Variants in CCDC172 observed in about 807,000 individuals in gnomAD.
CCDC172 encodes the protein coiled-coil domain containing 172, also known as coiled-coil domain-containing protein 172.
CCDC172 carries 30 observed loss-of-function variants against 38.0 expected under a neutral mutation model. The observed-to-expected ratio is 0.79, with a 90% CI of 0.59 to 1.07. The LOEUF (loss-of-function observed/expected upper bound fraction) is 1.07. Among genes scored for constraint, CCDC172 ranks in the 50% least tolerant of loss-of-function variants. The probability of loss-of-function intolerance (pLI) is 0.00; values close to 1 mark genes in which losing one functional copy is unlikely to be tolerated. For synonymous variants in CCDC172, 78 were observed against 88.3 expected (o/e 0.88, Z 0.66); for missense variants, 297 against 290.1 (o/e 1.02, Z -0.17).
intron 7 of CCDC172, among the ~76,000 whole-genome samples, chr10:116,360,951 T>G (rs956475378): frequency 1.3e-5 from 2 of 152,036 alleles, no homozygotes; most frequent in Non-Finnish European, 2.9e-5. Context: ...GCTTGCCTTC[T>G]GCCTTTCTTA....
rs1845285980 is a variant in CCDC172, at chr10:116,379,432, G to T, written c.*74G>T. The T allele has an allele frequency of 2.1e-5, 20 of 974,140 alleles. No homozygotes were observed. The highest frequency in any genetic ancestry group is 2.6e-5 in the Non-Finnish European group (17 of 642,866). 60.3% of individuals were successfully genotyped at this position (974,140 alleles called of 1,614,324 possible). A position where few individuals can be genotyped will look rare whatever the true frequency, so the allele number is the denominator to read the frequency against. Reference sequence around the variant, plus strand: ...AATCAAATCTTTGTGATAGATATATGAATGGTACCCGTTACAACGGATCCT... The same window carrying T: ...AATCAAATCTTTGTGATAGATATATTAATGGTACCCGTTACAACGGATCCT... On this transcript the variant is annotated 3_prime_UTR_variant, in exon 9 of 9. Transcript: ENST00000333254.
rs767204397 is a variant in CCDC172, at chr10:116,342,085, A to G, written c.332A>G (p.Glu111Gly). Residue 111 changes from glutamate to glycine, a missense_variant, in exon 5 of 9, where the codon GAA becomes GGA. Transcript: ENST00000333254. Reference sequence around the variant, plus strand: ...GAGGAGGAAGACAAATTTATTAAGGAAATTACAGACTTTAATAATGATTAT... The same window carrying G: ...GAGGAGGAAGACAAATTTATTAAGGGAATTACAGACTTTAATAATGATTAT... ...MIEEEDKFIK[E>G]ITDFNNDYEI... 1 of 1,541,278 alleles carries G rather than the reference A, an allele frequency of 6.5e-7. No homozygotes were observed. The highest frequency in any genetic ancestry group is 1.2e-5 in the South Asian group (1 of 80,964).
intron 7 of CCDC172, among the ~76,000 whole-genome samples, chr10:116,365,883 C>T (rs1845117413): frequency 6.6e-6 from 1 of 152,262 alleles, no homozygotes; most frequent in Middle Eastern, 3.4e-3. Context: ...ACATGTGGTA[C>T]AGGTTTGTAA....
chr10:116,350,803 A>G (rs1242828004), intron 5 of CCDC172, among the ~76,000 whole-genome samples: 2 of 152,196 alleles, frequency 1.3e-5, no homozygotes, highest in African/African-American at 4.8e-5. Flanking sequence ...ATTCATAACC[A>G]TAAAAGCTAG....
chr10:116,340,677 T>G, intron 3 of CCDC172, 57 bp from the exon 4 acceptor site: 1 of 802,792 alleles, frequency 1.2e-6, no homozygotes, highest in Non-Finnish European at 2.1e-6. Context: ...TTACCTAAGG[T>G]ACTCTAAAAT....
intron 7 of CCDC172, among the ~76,000 whole-genome samples, chr10:116,376,715 A>AT (rs912499134): frequency 5.1e-4 from 77 of 152,254 alleles, no homozygotes; most frequent in African/African-American, 1.8e-3. Flanking sequence ...GGACCAGAAT[A>AT]TACCACCCTG....
intron 5 of CCDC172, among the ~76,000 whole-genome samples, chr10:116,355,190 C>T (rs928665492): frequency 1.3e-5 from 2 of 152,188 alleles, no homozygotes; most frequent in African/African-American, 4.8e-5. Context: ...ACTTCCAGTA[C>T]TACAAGCTCC....
intron 5 of CCDC172, among the ~76,000 whole-genome samples, chr10:116,351,025 T>C (rs1844925012): frequency 6.6e-6 from 1 of 152,202 alleles, no homozygotes; most frequent in African/African-American, 2.4e-5. Flanking sequence ...TTTGTTTTAT[T>C]TTTTTCTTTA....
In CCDC172 at chr10:116,325,177, C is replaced by T. The variant is rs191987705; in HGVS notation, c.79+87C>T. The T allele has an allele frequency of 1.4e-5, 21 of 1,516,420 alleles. No individual in the cohort carries two copies. The Admixed American group carries it at 1.9e-4, about 14-fold the overall frequency. 93.9% of individuals were successfully genotyped at this position (1,516,420 alleles called of 1,614,324 possible). On this transcript the variant is annotated intron_variant, in intron 2 of 8. Transcript: ENST00000333254. ...AGAAGGAAATCCCGAAGGCAGTGGT[C>T]AGAGCCGTTAGGGGAGCTTGCATGC...
intron 5 of CCDC172, among the ~76,000 whole-genome samples, chr10:116,343,841 G>A (rs1844830924): frequency 6.6e-6 from 1 of 152,114 alleles, no homozygotes; most frequent in Admixed American, 6.5e-5. Flanking sequence ...TTGACTGAAT[G>A]GTTCTCTGAG....
In CCDC172 at chr10:116,378,484, C is replaced by G; in HGVS notation, c.715C>G (p.Gln239Glu). The G allele has an allele frequency of 1.9e-6, 3 of 1,604,244 alleles. No individual in the cohort carries two copies. The highest frequency in any genetic ancestry group is 2.6e-6 in the Non-Finnish European group (3 of 1,175,978). ...CATGGAAAGTGTTTATGAAGCTCTC[C>G]AAACAGAAATAGAATTTTTGGAGTT... ...DDMESVYEAL[Q>E]TEIEFLELTL... is the part of the protein sequence containing the mutation. Residue 239 changes from glutamine to glutamate, a missense_variant, in exon 8 of 9, where the codon CAA (glutamine) becomes GAA (glutamate). By Grantham distance (29) the Gln-to-Glu change is conservative. Coordinates refer to ENST00000333254, the MANE Select transcript of CCDC172 (RefSeq NM_198515.3).
chr10:116,329,730 G>A (rs2134902452), intron 3 of CCDC172, among the ~76,000 whole-genome samples: 1 of 152,198 alleles, frequency 6.6e-6, no homozygotes, highest in Non-Finnish European at 1.5e-5. Context: ...GCAGCAGTGA[G>A]TAAAACTCTT....
chr10:116,367,352 A>C (rs1390828692), intron 7 of CCDC172, among the ~76,000 whole-genome samples: 2 of 152,196 alleles, frequency 1.3e-5, no homozygotes, highest in Non-Finnish European at 2.9e-5. Context: ...GTATCAAAAC[A>C]TCACACTGTA....
chr10:116,375,262 A>C (rs1845231620), intron 7 of CCDC172, among the ~76,000 whole-genome samples: 1 of 151,708 alleles, frequency 6.6e-6, no homozygotes, highest in South Asian at 2.1e-4. Flanking sequence ...TGTGGGTCTA[A>C]ATTTTTTCAG....
chr10:116,356,449 G>C (rs1010153378), intron 5 of CCDC172, among the ~76,000 whole-genome samples: 6 of 151,248 alleles, frequency 4.0e-5, no homozygotes, highest in African/African-American at 1.2e-4. Context: ...GAGATTAAGA[G>C]CAGATCAGAG....
chr10:116,342,923 C>T (rs1844813977), intron 5 of CCDC172, among the ~76,000 whole-genome samples: 1 of 152,140 alleles, frequency 6.6e-6, no homozygotes, highest in South Asian at 2.1e-4. Flanking sequence ...CATGCTCCCT[C>T]TATAGCTTCC....
intron 3 of CCDC172, among the ~76,000 whole-genome samples, chr10:116,338,989 T>C (rs1327316378): frequency 1.3e-5 from 2 of 152,028 alleles, no homozygotes; most frequent in Non-Finnish European, 2.9e-5. Flanking sequence ...ATTTGGTCTC[T>C]AAAGCATTTT....
At chr10:116,338,540 A>C (rs768282759) in intron 3 of CCDC172, among the ~76,000 whole-genome samples, 11 of 152,120 alleles carry the variant, frequency 7.2e-5, no homozygotes, top group Non-Finnish European at 1.2e-4. Context: ...CCTTTTTATA[A>C]ATCTTTAGAA....
At chr10:116,375,223 A>G (rs996879386) in intron 7 of CCDC172, among the ~76,000 whole-genome samples, 7 of 151,954 alleles carry the variant, frequency 4.6e-5, no homozygotes, top group Non-Finnish European at 8.8e-5. Flanking sequence ...TTTTGCTGCA[A>G]ACTCATTGTT....
Sources: gnomAD v4.1 joint callset for allele counts (sites outside exome capture counted in the v4.1 genomes callset) on GRCh38, gnomAD v4.1.1 for gene constraint, MANE v1.5 for transcripts, NCBI Gene and HGNC (gene_info 2026-07-23, HGNC 2026-07-21) for gene names.